The following SS18L1 variants were observed in gnomAD, a reference collection of about 807,000 sequenced individuals.
The protein encoded by SS18L1 is calcium-responsive transactivator.
Under a neutral mutation model 70.3 loss-of-function variants are expected in SS18L1, and 32 were observed. The ratio of observed to expected loss-of-function variants is 0.46; its 90% CI spans 0.34 to 0.61. The LOEUF (loss-of-function observed/expected upper bound fraction) is 0.61. Among genes scored for constraint, SS18L1 ranks in the 20% least tolerant of loss-of-function variants. The probability of loss-of-function intolerance (pLI) is 0.01; values close to 1 mark genes in which losing one functional copy is unlikely to be tolerated. For missense variants in SS18L1, 430 were observed against 542.1 expected, an observed-to-expected ratio of 0.79 and a Z score of 2.05; for synonymous variants, 237 against 229.7, an observed-to-expected ratio of 1.03 and a Z score of -0.29.
At position 62,181,665 on chromosome 20, in the gene SS18L1, A is replaced by G. The variant is rs1263626102; in HGVS notation, c.*2457A>G. The G allele has an allele frequency of 4.6e-6, 1 of 216,436 alleles. No homozygotes were observed. Among genetic ancestry groups the G allele is most frequent in the East Asian group, 7.0e-5 (1 of 14,388 alleles). The allele number at this position is 216,436 out of a possible 1,614,324, so 13.4% of individuals were successfully genotyped here. ...TTTATACATGATTTTTGGTGTTAAT[A>G]TATTTAATGATTAATAACAGAATGT... On this transcript the variant is annotated 3_prime_UTR_variant, in exon 11 of 11. Coordinates refer to ENST00000331758, the MANE Select transcript of SS18L1 (RefSeq NM_198935.3).
chr20:62,149,537 G>A (rs1368492878), intron 1 of SS18L1, among the ~76,000 whole-genome samples: 3 of 152,262 alleles, frequency 2.0e-5, no homozygotes, highest in African/African-American at 7.2e-5. Context: ...CCATGGAGCT[G>A]CAGGAGGGCA....
intron 8 of SS18L1, among the ~76,000 whole-genome samples, chr20:62,167,774 G>T (rs971319252): frequency 1.3e-5 from 2 of 151,974 alleles, no homozygotes; most frequent in Admixed American, 1.3e-4. Context: ...AAAAACAAAC[G>T]CAGGATGTGC....
rs568289473 is a variant in SS18L1, at chr20:62,173,067, TC to T, written c.1036+268del. Among the ~76,000 whole-genome samples the T allele has an allele frequency of 3.5e-4, 53 of 152,370 alleles. 1 individual carries two copies. In the South Asian group the frequency reaches 0.011, roughly 31 times the overall value. Reference sequence around the variant, plus strand: ...TAGGTTTCCAGAAAAGTTGGAAACATCCATGCACGTAGACCTGAAACATCTT... The same window carrying T: ...TAGGTTTCCAGAAAAGTTGGAAACATCATGCACGTAGACCTGAAACATCTT... On this transcript the variant is annotated intron_variant, in intron 9 of 10. Transcript: ENST00000331758.
At chr20:62,153,331 C>T (rs2057167507) in intron 1 of SS18L1, among the ~76,000 whole-genome samples, 1 of 152,190 alleles carries the variant, frequency 6.6e-6, no homozygotes, top group African/African-American at 2.4e-5. Context: ...CACAGACAGA[C>T]CCTATCAGGG....
intron 1 of SS18L1, among the ~76,000 whole-genome samples, chr20:62,154,789 T>C (rs1262843729): frequency 1.3e-5 from 2 of 152,212 alleles, no homozygotes; most frequent in East Asian, 3.8e-4. Flanking sequence ...GAGAAAATGA[T>C]TGAAGGATTT....
At chr20:62,176,721 T>G (rs1443903383) in intron 10 of SS18L1, among the ~76,000 whole-genome samples, 2 of 151,716 alleles carry the variant, frequency 1.3e-5, no homozygotes, top group Non-Finnish European at 2.9e-5. Context: ...GAGAATCGCT[T>G]GAACCGGGAA....
At chr20:62,151,611 C>T (rs1365011263) in intron 1 of SS18L1, among the ~76,000 whole-genome samples, 1 of 152,232 alleles carries the variant, frequency 6.6e-6, no homozygotes, top group Non-Finnish European at 1.5e-5. Flanking sequence ...ATCCTCCGAA[C>T]CAGCCCAGAA....
intron 1 of SS18L1, among the ~76,000 whole-genome samples, chr20:62,146,604 C>CCTTTTTTTTTTTTTTTTTTTT (rs1339898731): frequency 2.9e-5 from 1 of 34,158 alleles, no homozygotes; most frequent in African/African-American, 1.2e-4. Context: ...CTGCTTTGAT[C>CCTTTTTTTTTTTTTTTTTTTT]ATTTTTTTTT....
At chr20:62,177,132 T>C (rs904130835) in intron 10 of SS18L1, among the ~76,000 whole-genome samples, 1 of 152,118 alleles carries the variant, frequency 6.6e-6, no homozygotes, top group Non-Finnish European at 1.5e-5. Context: ...CACTTAAACA[T>C]GTGCTGAGGC....
Position 62,181,477 on chromosome 20 carries a change from GT to G in SS18L1, c.*2272del, listed in dbSNP as rs2145805785. 4.7e-6 allele frequency: 1 copy of G among 212,044 alleles called. No individual in the cohort carries two copies. Among genetic ancestry groups the G allele is most frequent in the Admixed American group, 5.9e-5 (1 of 17,062 alleles). 13.1% of individuals were successfully genotyped at this position (212,044 alleles called of 1,614,324 possible). On this transcript the variant is annotated 3_prime_UTR_variant, in exon 11 of 11. Transcript: ENST00000331758. Reference sequence around the variant, plus strand: ...ATCTGGGAATATGCCTTTTTTGTGTGTTTGTGTGTTTTTTTAAGTGCTGTAT... The same window carrying G: ...ATCTGGGAATATGCCTTTTTTGTGTGTTGTGTGTTTTTTTAAGTGCTGTAT...
intron 1 of SS18L1, among the ~76,000 whole-genome samples, chr20:62,149,546 C>G (rs2057090673): frequency 6.6e-6 from 1 of 152,208 alleles, no homozygotes; most frequent in African/African-American, 2.4e-5. Context: ...TGCAGGAGGG[C>G]AGGGTGGGGC....
Position 62,179,886 on chromosome 20 carries a change from G to C in SS18L1, c.*678G>C. 4.5e-6 allele frequency: 1 copy of C among 224,698 alleles called. No homozygotes were observed. The highest frequency in any genetic ancestry group is 8.9e-6 in the Non-Finnish European group (1 of 112,756). 13.9% of individuals were successfully genotyped at this position (224,698 alleles called of 1,614,324 possible). On this transcript the variant is annotated 3_prime_UTR_variant, in exon 11 of 11. Transcript: ENST00000331758. ...AAGGTACATGTTTTTGTATTAAAAA[G>C]TAAACAGGGATCAGTGACTGTATTC... is the stretch of plus-strand genomic sequence containing the variant.
At chr20:62,151,245 C>T (rs924604601) in intron 1 of SS18L1, among the ~76,000 whole-genome samples, 1 of 152,218 alleles carries the variant, frequency 6.6e-6, no homozygotes, top group South Asian at 2.1e-4. Context: ...CCCTCGCCTA[C>T]CCAGTTAGGA....
At chr20:62,175,428 G>A (rs773049904) in intron 10 of SS18L1, 6 of 985,370 alleles carry the variant, frequency 6.1e-6, no homozygotes, top group South Asian at 4.7e-5. Context: ...GGGCCTCCTA[G>A]AGGAGAATGA....
intron 9 of SS18L1, among the ~76,000 whole-genome samples, chr20:62,173,225 C>T (rs562294703): frequency 1.4e-4 from 21 of 152,332 alleles, no homozygotes; most frequent in African/African-American, 5.1e-4. Context: ...CTGTGGGTCT[C>T]AGCCTTCACT....
chr20:62,145,209 A>G (rs140604217), intron 1 of SS18L1, among the ~76,000 whole-genome samples: 28 of 152,350 alleles, frequency 1.8e-4, no homozygotes, highest in African/African-American at 6.3e-4. Flanking sequence ...GGTTTTATAA[A>G]TCTTGATTCA....
chr20:62,172,064 A>T (rs981931028), intron 8 of SS18L1, among the ~76,000 whole-genome samples: 1 of 151,826 alleles, frequency 6.6e-6, no homozygotes, highest in Non-Finnish European at 1.5e-5. Context: ...CGGGAGGCTG[A>T]GGCAGGAGAA....
At position 62,181,213 on chromosome 20, in the gene SS18L1, G is replaced by GT. The variant is rs111655389; in HGVS notation, c.*2006dup. 2 of 201,528 alleles carry GT rather than the reference G, an allele frequency of 9.9e-6. No individual in the cohort carries two copies. Among genetic ancestry groups the GT allele is most frequent in the African/African-American group, 4.6e-5 (2 of 43,662 alleles). 12.5% of individuals were successfully genotyped at this position (201,528 alleles called of 1,614,324 possible). ...AGGGTTTCTAAAACCCTTAACACTGGTAAGGGCTCAAAAATAAACGTATGT... is the reference window on the plus strand; with the variant it reads ...AGGGTTTCTAAAACCCTTAACACTGGTTAAGGGCTCAAAAATAAACGTATGT... On this transcript the variant is annotated 3_prime_UTR_variant, in exon 11 of 11. Coordinates refer to ENST00000331758, the MANE Select transcript of SS18L1 (RefSeq NM_198935.3).
At chr20:62,146,604 C>CTTTTTTTTTTTTTTTTTTTTTTTT (rs1339898731) in intron 1 of SS18L1, among the ~76,000 whole-genome samples, 5 of 34,138 alleles carry the variant, frequency 1.5e-4, no homozygotes, top group African/African-American at 4.8e-4. Flanking sequence ...CTGCTTTGAT[C>CTTTTTTTTTTTTTTTTTTTTTTTT]ATTTTTTTTT....
Sources: allele counts gnomAD v4.1 joint callset (sites outside exome capture counted in the v4.1 genomes callset), GRCh38; gene constraint gnomAD v4.1.1; transcripts MANE v1.5; gene names NCBI Gene and HGNC (gene_info 2026-07-23, HGNC 2026-07-21).